Variants in NRCAM observed in about 807,000 individuals in gnomAD.
NRCAM encodes the protein NgCAM-related cell adhesion molecule.
A neutral mutation model predicts 156.5 loss-of-function variants in NRCAM; 83 were observed. The observed-to-expected ratio is 0.53, with a 90% CI of 0.44 to 0.64. The LOEUF is 0.64. Among genes scored for constraint, NRCAM ranks in the 30% least tolerant of loss-of-function variants. The pLI is 0.00. For missense variants in NRCAM, 1,417 were observed against 1,597.3 expected (o/e 0.89, Z 1.92); for synonymous variants, 538 against 563.9 (o/e 0.95, Z 0.65).
intron 25 of NRCAM, among the ~76,000 whole-genome samples, chr7:108,179,048 C>G (rs1207042786): frequency 2.0e-5 from 3 of 152,212 alleles, no homozygotes; most frequent in Admixed American, 1.3e-4. Flanking sequence ...ATGCCTGGCA[C>G]ATAGTTCTAG....
intron 20 of NRCAM, among the ~76,000 whole-genome samples, chr7:108,188,203 C>T (rs1198466453): frequency 6.6e-6 from 1 of 152,128 alleles, no homozygotes; most frequent in African/African-American, 2.4e-5. Context: ...AGGAGGAGTT[C>T]TGCATTAGGC....
At chr7:108,414,726 C>T (rs1799368359) in intron 1 of NRCAM, among the ~76,000 whole-genome samples, 1 of 152,056 alleles carries the variant, frequency 6.6e-6, no homozygotes, top group Non-Finnish European at 1.5e-5. Flanking sequence ...AGAGGAAAAC[C>T]ATCAGATCTC....
intron 27 of NRCAM, 119 bp from the exon 28 acceptor site, chr7:108,175,476 G>GTA: frequency 4.6e-6 from 4 of 877,954 alleles, no homozygotes; most frequent in Non-Finnish European, 6.9e-6. Context: ...AGAATGAAGT[G>GTA]TACCACATCA....
rs1174468771 is a variant in NRCAM, at chr7:108,207,631, T to C, written c.1104A>G (p.Gln368=). The change falls in exon 13 of 33, where the codon CAA becomes CAG. Residue 368 remains glutamine, a synonymous_variant. Transcript: ENST00000379028. ...KAAPYWITAP[Q]NLVLSPGEDG... ...CCTCTCCTGGGGACAGCACAAGATT[T>C]TGAGGGGCTGTGATCCAGTATGGAG... 1.9e-6 allele frequency: 3 copies of C among 1,613,708 alleles called. No individual in the cohort carries two copies. In the South Asian group the frequency reaches 3.3e-5, roughly 18 times the overall value.
chr7:108,420,606 T>A (rs558090198), intron 1 of NRCAM, among the ~76,000 whole-genome samples: 3 of 152,322 alleles, frequency 2.0e-5, no homozygotes, highest in African/African-American at 7.2e-5. Context: ...AAGTACCCAC[T>A]GCCCAATTAC....
chr7:108,191,116 G>T, intron 19 of NRCAM, 138 bp downstream of exon 19: 1 of 600,694 alleles, frequency 1.7e-6, no homozygotes, highest in Non-Finnish European at 2.8e-6. Flanking sequence ...GTAAATGGGT[G>T]ACACAACATA....
chr7:108,177,357 C>G, intron 26 of NRCAM, among the ~76,000 whole-genome samples: 1 of 152,258 alleles, frequency 6.6e-6, no homozygotes, highest in East Asian at 1.9e-4. Context: ...GGCGCAGTGG[C>G]TCACGCCTGT....
chr7:108,242,007 G>C (rs976009434), intron 3 of NRCAM, among the ~76,000 whole-genome samples: 5 of 152,038 alleles, frequency 3.3e-5, no homozygotes, highest in Non-Finnish European at 7.4e-5. Flanking sequence ...GCCAGGTGCG[G>C]TCATGCTTGT....
intron 2 of NRCAM, among the ~76,000 whole-genome samples, chr7:108,394,273 G>C (rs11976021): frequency 1.3e-5 from 2 of 152,042 alleles, no homozygotes; most frequent in Admixed American, 6.5e-5. Context: ...GTCAGGAAAG[G>C]GCAGGGGATC....
At chr7:108,297,586 C>G (rs2098475270) in intron 3 of NRCAM, among the ~76,000 whole-genome samples, 2 of 152,036 alleles carry the variant, frequency 1.3e-5, no homozygotes, top group Admixed American at 1.3e-4. Context: ...TATTACATGC[C>G]AGGCAGTGTT....
intron 1 of NRCAM, among the ~76,000 whole-genome samples, chr7:108,399,985 G>A (rs998157809): frequency 7.2e-5 from 11 of 152,112 alleles, no homozygotes; most frequent in Admixed American, 1.3e-4. Flanking sequence ...AGGCCGTGGC[G>A]GGGAAGAATC....
At chr7:108,357,272 A>G (rs1432936283) in intron 2 of NRCAM, among the ~76,000 whole-genome samples, 1 of 151,358 alleles carries the variant, frequency 6.6e-6, no homozygotes, top group African/African-American at 2.4e-5. Flanking sequence ...GATTTTCATT[A>G]TCCCTAAATC....
chr7:108,201,550 A>G (rs1454080422), intron 13 of NRCAM, among the ~76,000 whole-genome samples: 1 of 152,236 alleles, frequency 6.6e-6, no homozygotes, highest in Non-Finnish European at 1.5e-5. Context: ...TAAAATGGTT[A>G]AGATGGTAAA....
At chr7:108,434,423 C>T (rs1031908637) in intron 1 of NRCAM, among the ~76,000 whole-genome samples, 13 of 152,014 alleles carry the variant, frequency 8.6e-5, no homozygotes, top group African/African-American at 3.1e-4. Flanking sequence ...AGCAGGTAAA[C>T]CAAACACAGA....
At chr7:108,210,315 G>C (rs7783282) in intron 11 of NRCAM, among the ~76,000 whole-genome samples, 39,020 of 150,956 alleles carry the variant, frequency 0.26, 5,249 homozygotes, top group Non-Finnish European at 0.28. Flanking sequence ...GGCACGATCT[G>C]AGCTCACTGC....
At chr7:108,323,195 A>T (rs1381452109) in intron 2 of NRCAM, among the ~76,000 whole-genome samples, 1 of 152,238 alleles carries the variant, frequency 6.6e-6, no homozygotes, top group Non-Finnish European at 1.5e-5. Context: ...AAAATTGCAC[A>T]GATCAGAATG....
chr7:108,266,206 A>G (rs2097097452), intron 3 of NRCAM, among the ~76,000 whole-genome samples: 1 of 152,240 alleles, frequency 6.6e-6, no homozygotes. Flanking sequence ...GAGATAACAG[A>G]TAACACAGAA....
intron 11 of NRCAM, among the ~76,000 whole-genome samples, chr7:108,220,536 T>C (rs560178708): frequency 3.9e-5 from 6 of 152,154 alleles, no homozygotes; most frequent in South Asian, 2.1e-4. Flanking sequence ...AACCCAGAGA[T>C]AAACCCAAAT....
intron 20 of NRCAM, among the ~76,000 whole-genome samples, chr7:108,188,114 G>C (rs2068358998): frequency 6.6e-6 from 1 of 152,166 alleles, no homozygotes; most frequent in East Asian, 1.9e-4. Flanking sequence ...GTGAGTAGAA[G>C]AAGCCTCAGA....
Sources: gnomAD v4.1 joint callset for allele counts (sites outside exome capture counted in the v4.1 genomes callset) on GRCh38, gnomAD v4.1.1 for gene constraint, MANE v1.5 for transcripts, NCBI Gene and HGNC (gene_info 2026-07-23, HGNC 2026-07-21) for gene names.